The following HMCN2 variants were observed in gnomAD, a reference collection of about 807,000 sequenced individuals.
HMCN2 encodes hemicentin-2.
In HMCN2, 325 loss-of-function variants were observed where a neutral mutation model predicts 377.5. The observed-to-expected ratio is 0.86, with a 90% CI of 0.79 to 0.94. The LOEUF (loss-of-function observed/expected upper bound fraction) is 0.94, where lower values mean the gene tolerates loss of function less well. HMCN2 is among the 40% of genes least tolerant of loss of function. The probability of loss-of-function intolerance (pLI) is 0.00; values close to 1 mark genes in which losing one functional copy is unlikely to be tolerated. For synonymous variants in HMCN2, 2,007 were observed against 2,046.8 expected (o/e 0.98, Z 0.53); for missense variants, 4,543 against 4,725.3 (o/e 0.96, Z 1.13).
At position 130,303,711 on chromosome 9, in the gene HMCN2, A is replaced by C. The variant is rs549532337; in HGVS notation, c.1543+103A>C. 1 of 210,560 alleles carries C rather than the reference A, an allele frequency of 4.7e-6. No homozygotes were observed. Among genetic ancestry groups the C allele is most frequent in the East Asian group, 1.8e-4 (1 of 5,526 alleles). 13.0% of individuals were successfully genotyped at this position (210,560 alleles called of 1,614,324 possible). On this transcript the variant is annotated intron_variant, in intron 10 of 97. Transcript: ENST00000683500. The surrounding 1 kb of genome is among the most constrained non-coding windows in gnomAD (Gnocchi z 5.2). Reference sequence around the variant, plus strand: ...CGAGTCTCCAGCCAGCTGCTGGGACAATTCGTCATGCCGGGTCTGGCTGCC... The same window carrying C: ...CGAGTCTCCAGCCAGCTGCTGGGACCATTCGTCATGCCGGGTCTGGCTGCC...
chr9:130,403,673 C>A, intron 79 of HMCN2, 68 bp from the exon 80 acceptor site: 1 of 1,258,408 alleles, frequency 7.9e-7, no homozygotes. Flanking sequence ...CAGAATAGCC[C>A]AATCTGCCCA....
chr9:130,337,481 C>T (rs903533657), intron 22 of HMCN2, among the ~76,000 whole-genome samples: 9 of 152,100 alleles, frequency 5.9e-5, no homozygotes, highest in Non-Finnish European at 2.9e-5. Flanking sequence ...AGGTGTCAAG[C>T]GGTGGGCAGG....
intron 16 of HMCN2, among the ~76,000 whole-genome samples, chr9:130,319,971 T>C (rs1038178106): frequency 7.9e-5 from 12 of 152,278 alleles, no homozygotes; most frequent in African/African-American, 2.9e-4. Flanking sequence ...ACAAAGTGCT[T>C]AGCACAGTTC....
chr9:130,284,264 G>A (rs150628872), intron 1 of HMCN2, among the ~76,000 whole-genome samples: 237 of 152,316 alleles, frequency 1.6e-3, no homozygotes, highest in African/African-American at 5.4e-3. Flanking sequence ...CTGACTGGCA[G>A]CCGGTGGGAT....
At position 130,395,278 on chromosome 9, in the gene HMCN2, C is replaced by G. The variant is rs1842553892; in HGVS notation, c.10842C>G (p.Val3614=). 1 of 1,289,476 alleles carries G rather than the reference C, an allele frequency of 7.8e-7. No homozygotes were observed. Among genetic ancestry groups the G allele is most frequent in the Non-Finnish European group, 1.0e-6 (1 of 988,786 alleles). 79.9% of individuals were successfully genotyped at this position (1,289,476 alleles called of 1,614,324 possible). Residue 3614 remains valine, a synonymous_variant, in exon 71 of 98, where the codon GTC becomes GTG. Coordinates refer to ENST00000683500, the MANE Select transcript of HMCN2 (RefSeq NM_001291815.2). ...TCGGCCTGGCCCCAGGGCAGCTGGT[C>G]CTGGAGTGTTCGGTGGAGGCAGAGC... ...FVVGLAPGQL[V]LECSVEAEPA... is the part of the protein sequence containing the mutation.
chr9:130,322,727 G>C (rs984162457), intron 19 of HMCN2, among the ~76,000 whole-genome samples: 2 of 152,142 alleles, frequency 1.3e-5, no homozygotes, highest in Non-Finnish European at 2.9e-5. Flanking sequence ...CACAGAGATT[G>C]TACGTTTTTG....
chr9:130,340,632 GCTTCAGC>G (rs1296880808), intron 23 of HMCN2, among the ~76,000 whole-genome samples: 1 of 151,892 alleles, frequency 6.6e-6, no homozygotes, highest in African/African-American at 2.4e-5. Context: ...CAATTCTCGT[GCTTCAGC>G]CTCCGAGTAG....
chr9:130,400,674 G>T, intron 76 of HMCN2, 109 bp from the exon 77 acceptor site: 1 of 741,066 alleles, frequency 1.3e-6, no homozygotes, highest in Non-Finnish European at 1.8e-6. Flanking sequence ...CTCCCTCCTT[G>T]GCCCTTTGTC....
intron 85 of HMCN2, among the ~76,000 whole-genome samples, chr9:130,416,110 T>TA (rs1393082798): frequency 6.8e-6 from 1 of 146,466 alleles, no homozygotes; most frequent in African/African-American, 2.5e-5. Context: ...ATTTTTTTTT[T>TA]TTTTTTTTTT....
chr9:130,428,425 G>T lies in HMCN2; in HGVS notation c.14133G>T (p.Gly4711=). ...REGQRCVNLL[G]SYRCLPDCGP... Reference sequence around the variant, plus strand: ...GACAGCGCTGTGTGAACCTGCTCGGGTCCTACCGCTGCCTCCCCGACTGTG... The same window carrying T: ...GACAGCGCTGTGTGAACCTGCTCGGTTCCTACCGCTGCCTCCCCGACTGTG... Residue 4711 remains glycine, a synonymous_variant, in exon 93 of 98, where the codon GGG becomes GGT. Transcript: ENST00000683500. The surrounding 1 kb of genome is among the most constrained non-coding windows in gnomAD (Gnocchi z 5.0). 5.8e-6 allele frequency: 9 copies of T among 1,547,122 alleles called. No homozygotes were observed. Among genetic ancestry groups the T allele is most frequent in the Non-Finnish European group, 7.8e-6 (9 of 1,146,948 alleles).
Position 130,399,535 on chromosome 9 carries a change from C to T in HMCN2, c.11508C>T (p.Leu3836=), listed in dbSNP as rs1478433535. 8 of 1,289,256 alleles carry T rather than the reference C, an allele frequency of 6.2e-6. No individual in the cohort carries two copies. In the African/African-American group the frequency reaches 9.1e-5, roughly 15 times the overall value. 79.9% of individuals were successfully genotyped at this position (1,289,256 alleles called of 1,614,324 possible). The change falls in exon 76 of 98, where the codon CTC becomes CTT. Residue 3836 remains leucine (L), a synonymous_variant. Coordinates refer to ENST00000683500, the MANE Select transcript of HMCN2 (RefSeq NM_001291815.2). ...AYRLLPSNAL[L]LTAPGPQDSA... ...GGCTCCTGCCCTCCAACGCCCTGCT[C>T]CTCACGGCCCCCGGCCCCCAGGACT... is the stretch of plus-strand genomic sequence containing the variant.
At chr9:130,288,390 A>G (rs2131290309) in intron 4 of HMCN2, among the ~76,000 whole-genome samples, 1 of 152,326 alleles carries the variant, frequency 6.6e-6, no homozygotes, top group South Asian at 2.1e-4. Flanking sequence ...CTTCCTGGGC[A>G]TGGAGCTCTG....
chr9:130,331,359 G>A (rs1169863665), intron 22 of HMCN2, among the ~76,000 whole-genome samples: 1 of 152,198 alleles, frequency 6.6e-6, no homozygotes, highest in Non-Finnish European at 1.5e-5. Context: ...GGTGAAGTCC[G>A]AGGGTGGGAA....
At chr9:130,313,532 G>A (rs965055170) in intron 15 of HMCN2, among the ~76,000 whole-genome samples, 92 of 152,218 alleles carry the variant, frequency 6.0e-4, no homozygotes, top group African/African-American at 2.2e-3. Context: ...TGCTCATAGG[G>A]CCCTCGAGAG....
Position 130,369,630 on chromosome 9 carries a change from G to A in HMCN2, c.6848G>A (p.Gly2283Glu). 5.1e-6 allele frequency: 5 copies of A among 985,906 alleles called. No individual in the cohort carries two copies. The highest frequency in any genetic ancestry group is 5.2e-4 in the Middle Eastern group (1 of 1,914). 61.1% of individuals were successfully genotyped at this position (985,906 alleles called of 1,614,324 possible). A position where few individuals can be genotyped will look rare whatever the true frequency, so the allele number is the denominator to read the frequency against. ...ACACAAGTCTCTGTGGTCCAGGATG[G>A]AGTGGCCACTCTGGAGTGCAACGCC... ...PPTQVSVVQD[G>E]VATLECNATG... The change falls in exon 45 of 98, where the codon GGA becomes GAA. Residue 2283 changes from glycine (G) to glutamate (E), a missense_variant. Physicochemically the swap from Gly to Glu is moderately conservative, Grantham distance 98 (BLOSUM62 -2). Transcript: ENST00000683500. This position sits in a 1 kb window ranked among gnomAD's most constrained non-coding sequence, Gnocchi z 4.5.
intron 19 of HMCN2, among the ~76,000 whole-genome samples, chr9:130,322,315 ATCTAATCT>A (rs1376438973): frequency 1.2e-4 from 16 of 128,970 alleles, no homozygotes; most frequent in South Asian, 2.6e-4. Context: ...TCATCTATCT[ATCTAATCT>A]ATCTATCTAT....
chr9:130,358,675 G>A (rs920127089), intron 36 of HMCN2, among the ~76,000 whole-genome samples, 189 bp downstream of exon 36: 5 of 147,776 alleles, frequency 3.4e-5, no homozygotes, highest in African/African-American at 7.8e-5. Flanking sequence ...CCCTTTTGGC[G>A]GGATTTTTTT....
At chr9:130,288,359 G>T (rs1370705427) in intron 4 of HMCN2, among the ~76,000 whole-genome samples, 1 of 152,248 alleles carries the variant, frequency 6.6e-6, no homozygotes, top group Non-Finnish European at 1.5e-5. Flanking sequence ...CTACCTCTAA[G>T]TAGGGGCCTG....
chr9:130,409,887 T>C (rs1349769437), intron 84 of HMCN2, among the ~76,000 whole-genome samples: 2 of 152,188 alleles, frequency 1.3e-5, no homozygotes, highest in Non-Finnish European at 2.9e-5. Flanking sequence ...TACCATCTTC[T>C]GGGAGTGGAC....
Sources: gnomAD v4.1 joint callset for allele counts (sites outside exome capture counted in the v4.1 genomes callset) on GRCh38, gnomAD v4.1.1 for gene constraint, Gnocchi (gnomAD v3.1) non-coding constraint, MANE v1.5 for transcripts, NCBI Gene and HGNC (gene_info 2026-07-23, HGNC 2026-07-21) for gene names.